The following MRE11 variants were observed in gnomAD, a reference collection of about 807,000 sequenced individuals.
MRE11 encodes the protein double-strand break repair protein MRE11.
Under a neutral mutation model 91.7 loss-of-function variants are expected in MRE11, and 62 were observed. That is an observed-to-expected ratio of 0.68 (90% confidence interval 0.55 to 0.84). MRE11 has a LOEUF of 0.84. Ranked by LOEUF, MRE11 falls within the 40% of genes least tolerant of loss-of-function variation. The pLI is 0.00. For missense variants in MRE11, 796 were observed against 852.9 expected (o/e 0.93, Z 0.83); for synonymous variants, 273 against 271.4 (o/e 1.01, Z -0.06).
At position 94,456,288 on chromosome 11, in the gene MRE11, A is replaced by C. The variant is rs1555008221; in HGVS notation, c.1551T>G (p.Asp517Glu). The C allele has an allele frequency of 3.1e-6, 5 of 1,612,610 alleles. No individual in the cohort carries two copies. Among genetic ancestry groups the C allele is most frequent in the Non-Finnish European group, 4.2e-6 (5 of 1,178,902 alleles). The change falls in exon 14 of 20, where the codon GAT (aspartate) becomes GAG (glutamate). Residue 517 changes from aspartate to glutamate, a missense_variant. Transcript: ENST00000323929. Reference sequence around the variant, plus strand: ...GCAGAATAATTACCTCACGGACTTCATCATCTTCTTCATTAGTATTTTTTT... The same window carrying C: ...GCAGAATAATTACCTCACGGACTTCCTCATCTTCTTCATTAGTATTTTTTT... ...TRQKNTNEED[D>E]EVREAMTRAR...
chr11:94,467,688 C>G (rs1434682114), intron 10 of MRE11, 125 bp downstream of exon 10: 3 of 790,462 alleles, frequency 3.8e-6, no homozygotes, highest in Non-Finnish European at 6.3e-6. Flanking sequence ...TTTTTGCCTC[C>G]GATGGTGATT....
intron 18 of MRE11, among the ~76,000 whole-genome samples, chr11:94,431,977 TAGAA>T (rs1223332584): frequency 5.3e-5 from 8 of 151,618 alleles, no homozygotes; most frequent in Admixed American, 3.9e-4. Context: ...AAAAAAAACT[TAGAA>T]AGCTAGATCT....
rs1185898392 is a variant in MRE11 at position 94,417,750 on chromosome 11, TTTA to T, written c.*2372_*2374del. On this transcript the variant is annotated 3_prime_UTR_variant, in exon 20 of 20. Transcript: ENST00000323929. ...TATTCAACCATATGACTTTTCTGTA[TTTA>T]TTGTATTTCCTACTTTTAAAAGTTT... is the stretch of plus-strand genomic sequence containing the variant. 4.3e-6 allele frequency: 1 copy of T among 232,956 alleles called. No individual in the cohort carries two copies. Among genetic ancestry groups the T allele is most frequent in the African/African-American group, 2.2e-5 (1 of 45,344 alleles). The allele number at this position is 232,956 out of a possible 1,614,324, so 14.4% of individuals were successfully genotyped here.
chr11:94,508,503 C>T, the MRE11 span, among the ~76,000 whole-genome samples: 12 of 152,138 alleles, frequency 7.9e-5, no homozygotes, highest in African/African-American at 2.4e-4. Context: ...TTTATCAATG[C>T]CACTTATTAA....
chr11:94,492,547 A>G (rs1391597134), intron 2 of MRE11: 3 of 691,034 alleles, frequency 4.3e-6, no homozygotes, highest in African/African-American at 3.6e-5. Flanking sequence ...AAACAATACT[A>G]TATCAATATA....
intron 3 of MRE11, among the ~76,000 whole-genome samples, chr11:94,486,584 T>A (rs1947147902): frequency 6.6e-6 from 1 of 152,206 alleles, no homozygotes; most frequent in African/African-American, 2.4e-5. Context: ...GAATAAAATA[T>A]GATCCCTATC....
At position 94,479,673 on chromosome 11, in the gene MRE11, C is replaced by T. The variant is rs929767929; in HGVS notation, c.402+1G>A. ...ACAAACTCTAAGAAAACAATAATTA[C>T]CCCTGTGGGATCGTCATGATTGCCA... On this transcript the variant is annotated splice_donor_variant, in intron 5 of 19. Transcript: ENST00000323929. LOFTEE classifies it high-confidence loss of function. The T allele has an allele frequency of 2.5e-6, 4 of 1,610,306 alleles. No individual in the cohort carries two copies. The highest frequency in any genetic ancestry group is 2.7e-5 in the African/African-American group (2 of 74,816).
At chr11:94,453,594 C>T (rs1343643542) in intron 14 of MRE11, among the ~76,000 whole-genome samples, 1 of 152,122 alleles carries the variant, frequency 6.6e-6, no homozygotes, top group Non-Finnish European at 1.5e-5. Context: ...TTTTCATGTG[C>T]TATAATTTGT....
intron 7 of MRE11, among the ~76,000 whole-genome samples, chr11:94,472,274 A>C (rs1406918108): frequency 2.0e-5 from 3 of 152,104 alleles, no homozygotes; most frequent in Non-Finnish European, 2.9e-5. Context: ...TGATATGCAA[A>C]CTATGGTATT....
the MRE11 span, among the ~76,000 whole-genome samples, chr11:94,500,115 A>G: frequency 6.6e-6 from 1 of 152,300 alleles, no homozygotes; most frequent in African/African-American, 2.4e-5. Context: ...ACAGGCAGTG[A>G]TGATAGAATA....
intron 10 of MRE11, among the ~76,000 whole-genome samples, chr11:94,466,325 G>C (rs1946561926): frequency 6.6e-6 from 1 of 152,174 alleles, no homozygotes. Context: ...CATTAGTGTG[G>C]AGAGAGAAGG....
In MRE11 at chr11:94,479,765, A is replaced by T. The variant is rs878854777; in HGVS notation, c.315-4T>A. 8.5e-7 allele frequency: 1 copy of T among 1,174,380 alleles called. No individual in the cohort carries two copies. 72.7% of individuals were successfully genotyped at this position (1,174,380 alleles called of 1,614,324 possible). ...TTGATAGTTCACCCATGGAAACCTT[A>T]AAAAAAAAAAGTTACTTAAAATTTC... On this transcript the variant is annotated splice_polypyrimidine_tract_variant and splice_region_variant and intron_variant, in intron 4 of 19. Transcript: ENST00000323929.
intron 9 of MRE11, 73 bp downstream of exon 9, chr11:94,470,398 T>C (rs1946673328): frequency 2.1e-6 from 3 of 1,453,846 alleles, no homozygotes; most frequent in East Asian, 4.6e-5. Context: ...CTCTACTCTA[T>C]TAAATTACTT....
chr11:94,484,197 A>G lies in MRE11; in HGVS notation c.314+1727T>C, dbSNP rs114263486. 2.9e-3 allele frequency among the ~76,000 whole-genome samples: 442 copies of G among 152,360 alleles called. 2 individuals are homozygous for G. The highest frequency in any genetic ancestry group is 9.0e-3 in the African/African-American group (374 of 41,584). ...AAGTAAATTATGATAGTAATAAATT[A>G]TAACCCAAAGGAAAAAAAAATGGGT... On this transcript the variant is annotated intron_variant, in intron 4 of 19. Transcript: ENST00000323929.
intron 14 of MRE11, among the ~76,000 whole-genome samples, chr11:94,450,964 T>C (rs1362907389): frequency 6.6e-6 from 1 of 152,014 alleles, no homozygotes. Context: ...TATACATCAT[T>C]AGAAATAAGA....
intron 7 of MRE11, chr11:94,475,244 C>T (rs992583928): frequency 4.6e-5 from 7 of 153,338 alleles, no homozygotes; most frequent in African/African-American, 1.7e-4. Context: ...ATTTTTAAAG[C>T]AATACAGTAT....
upstream of MRE11, chr11:94,498,568 G>T: frequency 6.5e-7 from 1 of 1,528,360 alleles, no homozygotes; most frequent in East Asian, 2.3e-5. Context: ...CTAAATACCA[G>T]TGCCTCCTGT....
At chr11:94,461,692 T>C (rs1218937010) in intron 11 of MRE11, among the ~76,000 whole-genome samples, 1 of 152,202 alleles carries the variant, frequency 6.6e-6, no homozygotes, top group Non-Finnish European at 1.5e-5. Flanking sequence ...TGTTTGCAGA[T>C]GACATGATTG....
At chr11:94,436,628 G>A (rs749891090) in intron 17 of MRE11, among the ~76,000 whole-genome samples, 3 of 152,124 alleles carry the variant, frequency 2.0e-5, no homozygotes, top group Non-Finnish European at 4.4e-5. Context: ...GTATTGGCTC[G>A]GGAGTTAAGA....
Sources: allele counts gnomAD v4.1 joint callset (sites outside exome capture counted in the v4.1 genomes callset), GRCh38; gene constraint gnomAD v4.1.1; transcripts MANE v1.5; gene names NCBI Gene and HGNC (gene_info 2026-07-23, HGNC 2026-07-21).